Variants in SRPK2 observed in about 807,000 individuals in gnomAD.
SRPK2 encodes SRSF protein kinase 2, also known as SFRS protein kinase 2.
SRPK2 carries 21 observed loss-of-function variants against 90.8 expected under a neutral mutation model. The observed-to-expected ratio is 0.23, with a 90% CI of 0.16 to 0.33. The LOEUF (loss-of-function observed/expected upper bound fraction) is 0.33. SRPK2 is among the 10% of genes least tolerant of loss of function. The pLI, the probability that SRPK2 is intolerant of heterozygous loss-of-function variation, is 1.00. For missense variants in SRPK2, 620 were observed against 869.0 expected (o/e 0.71, Z 3.60); for synonymous variants, 288 against 311.1 (o/e 0.93, Z 0.78).
chr7:105,330,579 C>T (rs1239595254), intron 2 of SRPK2, among the ~76,000 whole-genome samples: 1 of 152,034 alleles, frequency 6.6e-6, no homozygotes, highest in East Asian at 1.9e-4. Context: ...TTTGAAACTA[C>T]TAGAATTAAT....
rs1793438665 is a variant in SRPK2, at chr7:105,185,321, A to C, written c.230-16056T>G. ...TCTTAGTAACTAAAAAAATTTAACA[A>C]TTAAAATAACTCAGAAAACAGCTCT... On this transcript the variant is annotated intron_variant, in intron 3 of 15. Coordinates refer to ENST00000393651, the MANE Select transcript of SRPK2 (RefSeq NM_182692.3). Among the ~76,000 whole-genome samples the C allele has an allele frequency of 7.2e-5, 11 of 152,170 alleles. No homozygotes were observed. In the South Asian group the frequency reaches 2.3e-3, roughly 32 times the overall value.
intron 4 of SRPK2, 78 bp from the exon 5 acceptor site, chr7:105,168,173 C>G: frequency 8.2e-7 from 1 of 1,216,260 alleles, no homozygotes; most frequent in Non-Finnish European, 1.2e-6. Flanking sequence ...GGTTGAGCAT[C>G]CCTAATTGGA....
At chr7:105,305,430 G>C (rs1371871673) in intron 2 of SRPK2, among the ~76,000 whole-genome samples, 1 of 152,072 alleles carries the variant, frequency 6.6e-6, no homozygotes, top group Non-Finnish European at 1.5e-5. Context: ...AATAGAGCGA[G>C]ACTCTGTCAC....
intron 2 of SRPK2, among the ~76,000 whole-genome samples, chr7:105,318,559 T>C (rs113083550): frequency 7.2e-5 from 11 of 152,244 alleles, no homozygotes; most frequent in Admixed American, 3.9e-4. Flanking sequence ...TAAGAATCAG[T>C]GTTTATACCA....
At chr7:105,231,948 C>G (rs1343741276) in intron 2 of SRPK2, among the ~76,000 whole-genome samples, 4 of 152,196 alleles carry the variant, frequency 2.6e-5, no homozygotes, top group Non-Finnish European at 4.4e-5. Flanking sequence ...ACCTTGAACT[C>G]CTGGGCTCTA....
At chr7:105,164,346 A>C (rs2129584362) in intron 6 of SRPK2, among the ~76,000 whole-genome samples, 1 of 152,334 alleles carries the variant, frequency 6.6e-6, no homozygotes, top group South Asian at 2.1e-4. Flanking sequence ...CCACCATGTA[A>C]ATGTTCCTGT....
At chr7:105,351,638 A>G (rs774869775) in intron 2 of SRPK2, among the ~76,000 whole-genome samples, 1 of 151,950 alleles carries the variant, frequency 6.6e-6, no homozygotes, top group Non-Finnish European at 1.5e-5. Context: ...CCCCATCTCC[A>G]CTAAAAATAC....
chr7:105,288,644 A>G (rs1396687229), intron 2 of SRPK2, among the ~76,000 whole-genome samples: 2 of 152,168 alleles, frequency 1.3e-5, no homozygotes, highest in Non-Finnish European at 2.9e-5. Flanking sequence ...ATATTAATTA[A>G]GCAGCCCAAA....
At chr7:105,300,981 T>G (rs1810478343) in intron 2 of SRPK2, among the ~76,000 whole-genome samples, 1 of 152,126 alleles carries the variant, frequency 6.6e-6, no homozygotes. Flanking sequence ...GATCTAGAAC[T>G]AGAAATACCA....
intron 3 of SRPK2, among the ~76,000 whole-genome samples, chr7:105,194,615 A>G (rs7808168): frequency 0.76 from 116,370 of 152,124 alleles, 45,936 homozygotes; most frequent in Non-Finnish European, 0.87. Flanking sequence ...CTAAATAAAC[A>G]GACACAATAC....
intron 7 of SRPK2, among the ~76,000 whole-genome samples, chr7:105,152,631 C>G (rs1395674112): frequency 6.6e-6 from 1 of 152,200 alleles, no homozygotes; most frequent in Admixed American, 6.5e-5. Context: ...CATGTTTCAT[C>G]CCCATGGATA....
At chr7:105,220,228 T>C (rs977693989) in intron 2 of SRPK2, among the ~76,000 whole-genome samples, 4 of 152,184 alleles carry the variant, frequency 2.6e-5, no homozygotes, top group African/African-American at 9.7e-5. Context: ...AATTCTTAGA[T>C]CCACTTACGA....
At chr7:105,391,684 A>C (rs1822187240), upstream of SRPK2, among the ~76,000 whole-genome samples, 1 of 152,162 alleles carries the variant, frequency 6.6e-6, no homozygotes. Context: ...CAAAAAAAAA[A>C]TGTTAATGGA....
chr7:105,233,897 A>G (rs1011129527), intron 2 of SRPK2, among the ~76,000 whole-genome samples: 1 of 151,834 alleles, frequency 6.6e-6, no homozygotes, highest in Non-Finnish European at 1.5e-5. Context: ...GTAAAAAATC[A>G]TATTTTTTTG....
At position 105,362,327 on chromosome 7, in the gene SRPK2, GC is replaced by G. The variant is rs544596682; in HGVS notation, c.71+26320del. 4.3e-3 allele frequency among the ~76,000 whole-genome samples: 649 copies of G among 152,130 alleles called. 2 individuals carry two copies. Among genetic ancestry groups the G allele is most frequent in the Middle Eastern group, 6.8e-3 (2 of 292 alleles). On this transcript the variant is annotated intron_variant, in intron 2 of 15. Transcript: ENST00000393651. ...GCGATCATTAAAAAGTCAGGAAATG[GC>G]CGGGCGCGGTGGCTCACGCCTGTAG...
At chr7:105,318,497 C>A (rs1812559753) in intron 2 of SRPK2, among the ~76,000 whole-genome samples, 1 of 152,222 alleles carries the variant, frequency 6.6e-6, no homozygotes, top group Non-Finnish European at 1.5e-5. Context: ...CATTAAAAGG[C>A]TCTTTGGGCT....
intron 2 of SRPK2, among the ~76,000 whole-genome samples, chr7:105,314,076 G>A (rs2131429185): frequency 6.6e-6 from 1 of 152,120 alleles, no homozygotes; most frequent in East Asian, 2.0e-4. Flanking sequence ...TGGGCGTGGT[G>A]GTTCACACAC....
intron 2 of SRPK2, chr7:105,297,371 A>G: frequency 1.4e-6 from 1 of 690,770 alleles, no homozygotes; most frequent in Non-Finnish European, 1.8e-6. Flanking sequence ...CTGGAAACAC[A>G]GGTAGAATAC....
rs187322354 is a variant in SRPK2 at position 105,155,220 on chromosome 7, G to A, written c.621+5287C>T. 1.7e-3 allele frequency among the ~76,000 whole-genome samples: 256 copies of A among 152,120 alleles called. 1 individual carries two copies. Among genetic ancestry groups the A allele is most frequent in the African/African-American group, 5.6e-3 (232 of 41,504 alleles). ...TGGTCTTGAACTCCTGACTTCAGGT[G>A]ATACACCCACCTCAACCTCCCAAAG... On this transcript the variant is annotated intron_variant, in intron 7 of 15. Transcript: ENST00000393651.
Sources: allele counts gnomAD v4.1 joint callset (sites outside exome capture counted in the v4.1 genomes callset), GRCh38; gene constraint gnomAD v4.1.1; transcripts MANE v1.5; gene names NCBI Gene and HGNC (gene_info 2026-07-23, HGNC 2026-07-21).